COL21A1: variants seen among roughly 807,000 people sequenced by gnomAD.
The protein encoded by COL21A1 is collagen alpha-1(XXI) chain.
In COL21A1, 149 loss-of-function variants were observed where a neutral mutation model predicts 137.9. The observed-to-expected ratio is 1.08, with a 90% confidence interval of 0.95 to 1.24. The LOEUF (loss-of-function observed/expected upper bound fraction) is 1.24, where lower values mean the gene tolerates loss of function less well. Ranked by LOEUF, COL21A1 falls within the 50% of genes most tolerant of loss-of-function variation. The pLI is 0.00. For missense variants in COL21A1, 1,167 were observed against 1,158.4 expected (o/e 1.01, Z -0.11); for synonymous variants, 456 against 391.5 (o/e 1.16, Z -1.95).
chr6:56,310,905 T>G (rs571088496), intron 1 of COL21A1, among the ~76,000 whole-genome samples: 1 of 152,290 alleles, frequency 6.6e-6, no homozygotes, highest in Admixed American at 6.5e-5. Context: ...CAGAAATCTA[T>G]TTGACTATTT....
intron 1 of COL21A1, among the ~76,000 whole-genome samples, chr6:56,314,132 G>T (rs569275406): frequency 6.6e-6 from 1 of 152,050 alleles, no homozygotes. Flanking sequence ...CTACAGGCAC[G>T]CACCACCACC....
chr6:56,269,374 G>T (rs372928643), intron 1 of COL21A1, among the ~76,000 whole-genome samples: 2 of 151,880 alleles, frequency 1.3e-5, no homozygotes, highest in African/African-American at 2.4e-5. Context: ...GTGACAGGTC[G>T]GCCGGGCGCG....
chr6:56,221,182 CCAGCTGTGACAACCA>C (rs1404508999), intron 1 of COL21A1, among the ~76,000 whole-genome samples: 2 of 152,100 alleles, frequency 1.3e-5, no homozygotes, highest in Non-Finnish European at 2.9e-5. Flanking sequence ...AGCATCACCT[CCAGCTGTGACAACCA>C]CAGATGTTCC....
intron 17 of COL21A1, chr6:56,078,164 C>T (rs777699681): frequency 8.8e-6 from 4 of 455,650 alleles, no homozygotes; most frequent in Non-Finnish European, 1.8e-5. Context: ...CACTCTTTCA[C>T]GTGGCTGAAC....
intron 10 of COL21A1, among the ~76,000 whole-genome samples, chr6:56,144,387 T>C (rs1774675256): frequency 6.6e-6 from 1 of 152,162 alleles, no homozygotes; most frequent in African/African-American, 2.4e-5. Flanking sequence ...AAGACTATTT[T>C]TAAATTATTT....
intron 1 of COL21A1, among the ~76,000 whole-genome samples, chr6:56,315,392 T>C (rs1418428698): frequency 6.6e-6 from 1 of 152,160 alleles, no homozygotes; most frequent in Non-Finnish European, 1.5e-5. Flanking sequence ...CCGATAAGAT[T>C]ATCTCATTAT....
intron 5 of COL21A1, 68 bp from the exon 6 acceptor site, chr6:56,168,365 A>C (rs1776762271): frequency 7.7e-7 from 1 of 1,305,722 alleles, no homozygotes; most frequent in Non-Finnish European, 1.0e-6. Flanking sequence ...CTTTGTTCTT[A>C]CTCCCTTGTT....
intron 9 of COL21A1, among the ~76,000 whole-genome samples, chr6:56,163,674 A>T (rs956534490): frequency 8.0e-5 from 12 of 150,722 alleles, no homozygotes; most frequent in Non-Finnish European, 1.8e-4. Context: ...GCGCCACTGC[A>T]CTCCAGCTGG....
intron 1 of COL21A1, among the ~76,000 whole-genome samples, chr6:56,278,514 C>G (rs1011994668): frequency 6.6e-6 from 1 of 152,190 alleles, no homozygotes; most frequent in Non-Finnish European, 1.5e-5. Context: ...GAGCTAAAGT[C>G]TTCATATGGC....
intron 1 of COL21A1, among the ~76,000 whole-genome samples, chr6:56,243,812 T>C (rs1301420315): frequency 1.3e-5 from 2 of 152,172 alleles, no homozygotes; most frequent in Non-Finnish European, 2.9e-5. Flanking sequence ...CAGAGTACCT[T>C]GTCTTTAACC....
intron 1 of COL21A1, among the ~76,000 whole-genome samples, chr6:56,290,620 C>T (rs1350325090): frequency 6.6e-6 from 1 of 151,846 alleles, no homozygotes; most frequent in Non-Finnish European, 1.5e-5. Context: ...CCGCCTCGGC[C>T]TCCTGAGTAG....
intron 1 of COL21A1, chr6:56,276,650 G>A: frequency 2.8e-6 from 4 of 1,443,702 alleles, no homozygotes; most frequent in Admixed American, 1.7e-5. Flanking sequence ...TGGAAAACAC[G>A]TGTCACTTTC....
intron 1 of COL21A1, among the ~76,000 whole-genome samples, chr6:56,233,220 C>A (rs1426768153): frequency 6.6e-6 from 1 of 151,754 alleles, no homozygotes; most frequent in African/African-American, 2.4e-5. Flanking sequence ...TAATACATTG[C>A]CCAACTTTAT....
At chr6:56,288,367 C>T (rs1223946964) in intron 1 of COL21A1, among the ~76,000 whole-genome samples, 1 of 152,042 alleles carries the variant, frequency 6.6e-6, no homozygotes, top group Non-Finnish European at 1.5e-5. Flanking sequence ...TGCTGTGGTA[C>T]ACTTTAAATA....
intron 23 of COL21A1, 84 bp downstream of exon 23, chr6:56,067,211 G>C (rs1399539158): frequency 7.0e-6 from 8 of 1,135,038 alleles, no homozygotes; most frequent in Non-Finnish European, 1.0e-5. Flanking sequence ...TGTTGAAACA[G>C]AAAGGAATTT....
At chr6:56,334,013 A>G (rs1299623534) in intron 1 of COL21A1, among the ~76,000 whole-genome samples, 1 of 47,246 alleles carries the variant, frequency 2.1e-5, no homozygotes, top group East Asian at 1.7e-3. Flanking sequence ...AGATAGATAC[A>G]GTGTATGCTT....
At chr6:56,325,769 T>TTTATATAATAATATATATA (rs1765050311) in intron 1 of COL21A1, among the ~76,000 whole-genome samples, 4 of 6,194 alleles carry the variant, frequency 6.5e-4, no homozygotes, top group East Asian at 0.036. Context: ...TATTATATAT[T>TTTATATAATAATATATATA]ATATATATTT....
intron 1 of COL21A1, among the ~76,000 whole-genome samples, chr6:56,187,104 C>A (rs1031319210): frequency 6.6e-6 from 1 of 152,074 alleles, no homozygotes; most frequent in Non-Finnish European, 1.5e-5. Context: ...AAGGCTGGAA[C>A]GTCCAAAGTC....
intron 1 of COL21A1, among the ~76,000 whole-genome samples, chr6:56,291,234 C>A (rs2152335614): frequency 6.6e-6 from 1 of 152,182 alleles, no homozygotes; most frequent in South Asian, 2.1e-4. Context: ...TTGCAGAAAG[C>A]AGCTCCAACT....
Sources: gnomAD v4.1 joint callset for allele counts (sites outside exome capture counted in the v4.1 genomes callset) on GRCh38, gnomAD v4.1.1 for gene constraint, MANE v1.5 for transcripts, NCBI Gene and HGNC (gene_info 2026-07-23, HGNC 2026-07-21) for gene names.